Variants in LRRC37B observed in about 807,000 individuals in gnomAD.
The protein encoded by LRRC37B is leucine-rich repeat-containing protein 37B.
In LRRC37B, 28 loss-of-function variants were observed where a neutral mutation model predicts 98.3. That is an observed-to-expected ratio of 0.28 (90% CI 0.21 to 0.39). The LOEUF is 0.39. Ranked by LOEUF, LRRC37B falls within the 10% of genes least tolerant of loss-of-function variation. The pLI, the probability that LRRC37B is intolerant of heterozygous loss-of-function variation, is 1.00. For synonymous variants in LRRC37B, 364 were observed against 442.7 expected (o/e 0.82, Z 2.23); for missense variants, 938 against 1,182.7 (o/e 0.79, Z 3.03).
intron 1 of LRRC37B, among the ~76,000 whole-genome samples, chr17:32,024,086 GT>G (rs879823401): frequency 1.3e-5 from 2 of 150,528 alleles, no homozygotes; most frequent in African/African-American, 4.9e-5. Flanking sequence ...ATTTTATTTT[GT>G]TTTTTTTGCT....
intron 3 of LRRC37B, among the ~76,000 whole-genome samples, chr17:32,029,404 G>C (rs1292766364): frequency 1.3e-5 from 2 of 152,288 alleles, no homozygotes; most frequent in Non-Finnish European, 2.9e-5. Flanking sequence ...TGCTTTCAAG[G>C]AGTTTATGCT....
At chr17:32,041,398 G>A in intron 7 of LRRC37B, 1 of 749,812 alleles carries the variant, frequency 1.3e-6, no homozygotes, top group Non-Finnish European at 2.5e-6. Flanking sequence ...GGGGAGCTGG[G>A]CTTCCATGAG....
At chr17:32,021,314 A>G (rs1057366849) in exon 1 of LRRC37B, 2 of 1,613,648 alleles carry the variant, frequency 1.2e-6, no homozygotes, top group Admixed American at 1.7e-5. Flanking sequence ...CCCATCTCCC[A>G]TGGGAATCTC....
At chr17:32,032,761 A>G (rs62062433) in intron 5 of LRRC37B, among the ~76,000 whole-genome samples, 2 of 152,196 alleles carry the variant, frequency 1.3e-5, no homozygotes, top group African/African-American at 2.4e-5. Flanking sequence ...CCCTCACACC[A>G]GAGAACAGGC....
chr17:32,045,680 T>G lies in LRRC37B; in HGVS notation c.2205-20T>G. 6.2e-7 allele frequency: 1 copy of G among 1,604,300 alleles called. No individual in the cohort carries two copies. ...TAACCGCTTTACCACTAATTTATTG[T>G]TTTGTGTTTTCATCTATAGGATCTT... On this transcript the variant is annotated intron_variant, in intron 7 of 11. Transcript: ENST00000327564.
upstream of LRRC37B, among the ~76,000 whole-genome samples, chr17:32,018,982 G>A (rs1210026799): frequency 2.0e-5 from 3 of 152,034 alleles, no homozygotes; most frequent in Non-Finnish European, 4.4e-5. Context: ...GCTGGAGTGC[G>A]ATGGCACGAT....
intron 7 of LRRC37B, among the ~76,000 whole-genome samples, chr17:32,043,453 C>T (rs558834730): frequency 1.2e-3 from 182 of 152,228 alleles, no homozygotes; most frequent in African/African-American, 4.2e-3. Flanking sequence ...TCTAGCTACT[C>T]AGGAGGCTGA....
At chr17:32,025,210 A>AT (rs1910921326) in intron 2 of LRRC37B, among the ~76,000 whole-genome samples, 3 of 145,434 alleles carry the variant, frequency 2.1e-5, no homozygotes, top group African/African-American at 2.5e-5. Context: ...CTAATTTTGT[A>AT]TTTTTTGTAG....
intron 7 of LRRC37B, among the ~76,000 whole-genome samples, chr17:32,043,894 T>C (rs1911510814): frequency 6.6e-6 from 1 of 151,350 alleles, no homozygotes; most frequent in African/African-American, 2.4e-5. Flanking sequence ...ACAACTTCTA[T>C]AATGTAATAT....
At chr17:32,020,882 G>T (rs1910751182), upstream of LRRC37B, 1 of 1,303,980 alleles carries the variant, frequency 7.7e-7, no homozygotes, top group Non-Finnish European at 1.0e-6. Flanking sequence ...GGAGTCCTGG[G>T]ACCACCCCGG....
chr17:32,031,080 C>T (rs747440679), intron 4 of LRRC37B, among the ~76,000 whole-genome samples: 3,707 of 151,794 alleles, frequency 0.024, 65 homozygotes, highest in Non-Finnish European at 0.04. Context: ...CAAACCCCCA[C>T]GGCAAAGAGT....
chr17:32,048,659 C>T (rs2627102), intron 9 of LRRC37B, among the ~76,000 whole-genome samples: 46 of 152,276 alleles, frequency 3.0e-4, no homozygotes, highest in African/African-American at 1.0e-3. Flanking sequence ...AACTCACTCC[C>T]GTGTGGCCCA....
chr17:32,038,402 A>G (rs762825380), intron 7 of LRRC37B, among the ~76,000 whole-genome samples: 1 of 151,710 alleles, frequency 6.6e-6, no homozygotes, highest in Non-Finnish European at 1.5e-5. Context: ...GAGGCTCTGC[A>G]GTGAGCTGTG....
intron 7 of LRRC37B, chr17:32,041,441 C>T (rs193206681): frequency 4.2e-5 from 30 of 720,292 alleles, no homozygotes; most frequent in Non-Finnish European, 6.5e-5. Context: ...ACCAGATCAA[C>T]GAGAACTGGT....
chr17:32,048,184 A>C (rs1369683174), intron 9 of LRRC37B, among the ~76,000 whole-genome samples: 2 of 152,228 alleles, frequency 1.3e-5, no homozygotes, highest in African/African-American at 4.8e-5. Context: ...GGCAGATTCA[A>C]AGTGTAGGCA....
chr17:32,008,448 AAC>A (rs201969987), intron 1 of LRRC37B, among the ~76,000 whole-genome samples: 18,201 of 152,200 alleles, frequency 0.12, 1,211 homozygotes, highest in Middle Eastern at 0.15. Flanking sequence ...AACTTTGGCA[AAC>A]ACATATCCAT....
intron 3 of LRRC37B, among the ~76,000 whole-genome samples, chr17:32,029,443 A>AT (rs1219207781): frequency 1.3e-5 from 2 of 152,214 alleles, no homozygotes; most frequent in East Asian, 3.8e-4. Context: ...CAATAACTAC[A>AT]TTAAGAAGAA....
intron 1 of LRRC37B, among the ~76,000 whole-genome samples, chr17:32,023,779 T>C (rs112974258): frequency 0.028 from 4,201 of 152,336 alleles, 87 homozygotes; most frequent in Non-Finnish European, 0.042. Flanking sequence ...GCACTCATTT[T>C]GTGTCAAACC....
chr17:32,033,815 G>C lies in LRRC37B; in HGVS notation c.2058-1095G>C, dbSNP rs1187879181. On this transcript the variant is annotated intron_variant, in intron 5 of 11. Transcript: ENST00000327564. ...AAAGAAAATAGATTCCAGCATTTTG[G>C]AATAAAAATTCACATCAAAATGAAT... Among the ~76,000 whole-genome samples, 15 of 151,972 alleles carry C rather than the reference G, an allele frequency of 9.9e-5. 1 individual carries two copies. The East Asian group carries it at 2.9e-3, about 29-fold the overall frequency.
Sources: gnomAD v4.1 joint callset for allele counts (sites outside exome capture counted in the v4.1 genomes callset) on GRCh38, gnomAD v4.1.1 for gene constraint, MANE v1.5 for transcripts, NCBI Gene and HGNC (gene_info 2026-07-23, HGNC 2026-07-21) for gene names.